Variants in ZC3H12B observed in about 807,000 individuals in gnomAD.
The protein encoded by ZC3H12B is zinc finger CCCH-type containing 12B, also known as probable ribonuclease ZC3H12B.
ZC3H12B carries 7 observed loss-of-function variants against 43.9 expected under a neutral mutation model. The observed-to-expected ratio is 0.16, with a 90% CI of 0.09 to 0.30. The LOEUF is 0.30. Among genes scored for constraint, ZC3H12B ranks in the 10% least tolerant of loss-of-function variants. The pLI is 1.00. For synonymous variants in ZC3H12B, 222 were observed against 241.7 expected (o/e 0.92, Z 0.76); for missense variants, 475 against 670.2 (o/e 0.71, Z 3.22).
At chrX:65,404,176 G>T (rs1296734842) in intron 3 of ZC3H12B, among the ~76,000 whole-genome samples, 1 of 111,261 alleles carries the variant, frequency 9.0e-6, no homozygotes, top group Non-Finnish European at 1.9e-5. Flanking sequence ...TAGTTACCGG[G>T]TTATAAGATA....
the ZC3H12B span, among the ~76,000 whole-genome samples, chrX:65,067,554 G>T: frequency 3.6e-5 from 4 of 111,209 alleles, no homozygotes; most frequent in African/African-American, 9.8e-5. Context: ...TGTTGGTCTC[G>T]CTGGGAGCTG....
the ZC3H12B span, among the ~76,000 whole-genome samples, chrX:65,195,583 C>A: frequency 1.8e-5 from 2 of 111,835 alleles, no homozygotes. Context: ...TGTTAGGATT[C>A]CATCAGGCTG....
chrX:65,479,850 G>C (rs981393546), intron 3 of ZC3H12B, among the ~76,000 whole-genome samples: 1 of 112,590 alleles, frequency 8.9e-6, no homozygotes, highest in Non-Finnish European at 1.9e-5. Flanking sequence ...GCGGGCCAGA[G>C]CATAGGGGCT....
At chrX:65,148,134 C>G in the ZC3H12B span, among the ~76,000 whole-genome samples, 1 of 110,918 alleles carries the variant, frequency 9.0e-6, no homozygotes, top group South Asian at 3.8e-4. Context: ...ATTGGGCAGT[C>G]CGGGGACTTA....
chrX:65,267,578 A>C, the ZC3H12B span, among the ~76,000 whole-genome samples: 3 of 111,882 alleles, frequency 2.7e-5, no homozygotes, highest in South Asian at 1.1e-3. Flanking sequence ...ATCTGTGCTA[A>C]ATATGCCTAA....
At chrX:65,035,950 C>T in the ZC3H12B span, among the ~76,000 whole-genome samples, 34 of 112,250 alleles carry the variant, frequency 3.0e-4, no homozygotes, top group South Asian at 0.013. Flanking sequence ...AACTACTTTT[C>T]ATCCAGAATG....
At chrX:65,314,674 G>A in the ZC3H12B span, among the ~76,000 whole-genome samples, 1 of 111,274 alleles carries the variant, frequency 9.0e-6, no homozygotes, top group African/African-American at 3.3e-5. Flanking sequence ...TAGGTTGAAG[G>A]GAAATGATAC....
At chrX:65,237,256 T>A in the ZC3H12B span, among the ~76,000 whole-genome samples, 42 of 111,567 alleles carry the variant, frequency 3.8e-4, no homozygotes, top group African/African-American at 1.4e-3. Flanking sequence ...TGTTTGTTTG[T>A]TTGTTTGTTT....
In ZC3H12B at chrX:65,477,817, CTGTGTGTG is replaced by C. The variant is rs746164349; in HGVS notation, n.408-10795_408-10788del. ...GTTGGAAAAACTCAAAAACATTCCTCTGTGTGTGTGTGTGTGTGTGTGTGTGTGTGTGT... is the reference window on the plus strand; with the variant it reads ...GTTGGAAAAACTCAAAAACATTCCTCTGTGTGTGTGTGTGTGTGTGTGTGT... On this transcript the variant is annotated intron_variant and non_coding_transcript_variant, in intron 3 of 5. Coordinates refer to the ZC3H12B transcript ENST00000617377. 4.3e-4 allele frequency among the ~76,000 whole-genome samples: 40 copies of C among 92,980 alleles called. No homozygotes were observed. The East Asian group carries it at 4.3e-3, about 10-fold the overall frequency. The allele number at this position is 92,980 out of a possible 115,157, so 80.7% of individuals were successfully genotyped here. A position where few individuals can be genotyped will look rare whatever the true frequency, so the allele number is the denominator to read the frequency against.
At chrX:65,071,593 C>T in the ZC3H12B span, among the ~76,000 whole-genome samples, 2 of 111,498 alleles carry the variant, frequency 1.8e-5, no homozygotes, top group Non-Finnish European at 3.8e-5. Context: ...TTGTAATGAT[C>T]TTTCTTTTTG....
the ZC3H12B span, among the ~76,000 whole-genome samples, chrX:65,249,263 G>A: frequency 1.8e-5 from 2 of 112,066 alleles, no homozygotes; most frequent in Non-Finnish European, 3.8e-5. Context: ...TAAGGTGAGA[G>A]ATGAGGATCC....
At chrX:65,378,991 AG>A (rs1047765576) in intron 2 of ZC3H12B, among the ~76,000 whole-genome samples, 29 of 112,394 alleles carry the variant, frequency 2.6e-4, no homozygotes, top group African/African-American at 7.8e-4. Flanking sequence ...CTAGCACAGC[AG>A]TCTGCGATCA....
chrX:65,242,614 G>A, the ZC3H12B span, among the ~76,000 whole-genome samples: 11 of 111,566 alleles, frequency 9.9e-5, no homozygotes, highest in Non-Finnish European at 1.9e-4. Flanking sequence ...GACATTTTTT[G>A]CAAATATTAA....
At chrX:65,148,607 C>A in the ZC3H12B span, among the ~76,000 whole-genome samples, 26,561 of 110,550 alleles carry the variant, frequency 0.24, 7,694 homozygotes, top group African/African-American at 0.83. Context: ...CTGGGGTCCA[C>A]GGCGAAGTCT....
the ZC3H12B span, among the ~76,000 whole-genome samples, chrX:65,051,671 A>T: frequency 1.8e-5 from 2 of 111,848 alleles, no homozygotes; most frequent in African/African-American, 6.5e-5. Context: ...TCAGCCTAAG[A>T]CTTTTTTTTC....
At chrX:65,149,690 G>A in the ZC3H12B span, among the ~76,000 whole-genome samples, 3 of 105,394 alleles carry the variant, frequency 2.8e-5, no homozygotes, top group Admixed American at 1.0e-4. Flanking sequence ...CGTGAACCCT[G>A]GAGGCGAAGT....
At chrX:65,301,092 A>G in the ZC3H12B span, among the ~76,000 whole-genome samples, 1 of 111,882 alleles carries the variant, frequency 8.9e-6, no homozygotes, top group Non-Finnish European at 1.9e-5. Context: ...AATGCCCAAC[A>G]TCACTATTGA....
At chrX:65,441,057 A>G (rs1232609286) in intron 3 of ZC3H12B, among the ~76,000 whole-genome samples, 1 of 112,368 alleles carries the variant, frequency 8.9e-6, no homozygotes, top group Non-Finnish European at 1.9e-5. Context: ...CAAACCTTGC[A>G]AATTTTTTTC....
the ZC3H12B span, among the ~76,000 whole-genome samples, chrX:65,292,662 A>T: frequency 9.1e-6 from 1 of 110,132 alleles, no homozygotes; most frequent in Non-Finnish European, 1.9e-5. Flanking sequence ...ATATATTCTC[A>T]GTTTACTATT....
Sources: gnomAD v4.1 joint callset for allele counts (sites outside exome capture counted in the v4.1 genomes callset) on GRCh38, gnomAD v4.1.1 for gene constraint, MANE v1.5 for transcripts, NCBI Gene and HGNC (gene_info 2026-07-23, HGNC 2026-07-21) for gene names.